SIK3: variants seen among roughly 807,000 people sequenced by gnomAD.
SIK3 encodes SIK family kinase 3, also known as serine/threonine-protein kinase SIK3.
Under a neutral mutation model 144.2 loss-of-function variants are expected in SIK3, and 28 were observed. The observed-to-expected ratio is 0.19, with a 90% CI of 0.14 to 0.27. The LOEUF (loss-of-function observed/expected upper bound fraction) is 0.27. SIK3 is among the 10% of genes least tolerant of loss of function. SIK3 has a pLI of 1.00. For synonymous variants in SIK3, 686 were observed against 676.3 expected (o/e 1.01, Z -0.22); for missense variants, 1,319 against 1,776.0 (o/e 0.74, Z 4.62).
chr11:116,927,851 T>C lies in SIK3; in HGVS notation c.455-471A>G, dbSNP rs115838569. 7.6e-3 allele frequency among the ~76,000 whole-genome samples: 1,153 copies of C among 151,880 alleles called. 13 individuals are homozygous for C. Among genetic ancestry groups the C allele is most frequent in the African/African-American group, 0.027 (1,109 of 41,554 alleles). ...TTCGTCACTGCTAGGGGGAGAAAAC[T>C]CCTCGACAGAGCACTCTGTTTAGGT... On this transcript the variant is annotated intron_variant, in intron 3 of 24. Coordinates refer to ENST00000445177, the MANE Select transcript of SIK3 (RefSeq NM_001366686.3).
At chr11:117,035,768 T>C in intron 1 of SIK3, 2 of 1,326,406 alleles carry the variant, frequency 1.5e-6, no homozygotes, top group Non-Finnish European at 2.1e-6. Context: ...ATTGAGATGG[T>C]TTCCCACTCA....
intron 6 of SIK3, among the ~76,000 whole-genome samples, chr11:116,879,972 G>A (rs1263845510): frequency 6.6e-6 from 1 of 152,212 alleles, no homozygotes; most frequent in African/African-American, 2.4e-5. Context: ...AGACTCCTGT[G>A]TAGGGAGAAG....
At chr11:116,911,858 T>A (rs553415662) in intron 4 of SIK3, among the ~76,000 whole-genome samples, 918 of 152,284 alleles carry the variant, frequency 6.0e-3, no homozygotes, top group Non-Finnish European at 9.5e-3. Context: ...TACTGCTTAT[T>A]TACTGGCAAT....
At chr11:116,927,717 G>T (rs551744376) in intron 3 of SIK3, among the ~76,000 whole-genome samples, 20 of 152,276 alleles carry the variant, frequency 1.3e-4, no homozygotes, top group African/African-American at 4.8e-4. Flanking sequence ...GCACAGACAT[G>T]AGCAAACACA....
intron 6 of SIK3, among the ~76,000 whole-genome samples, chr11:116,883,217 T>TA (rs1944636571): frequency 6.6e-6 from 1 of 152,188 alleles, no homozygotes. Context: ...GTTCTGGATT[T>TA]AAAAAATGTT....
chr11:116,901,103 G>C (rs1945714527), intron 4 of SIK3, among the ~76,000 whole-genome samples: 1 of 152,174 alleles, frequency 6.6e-6, no homozygotes, highest in Non-Finnish European at 1.5e-5. Context: ...GACATCAGGT[G>C]ATCAGCCCAC....
intron 14 of SIK3, chr11:116,870,028 G>A: frequency 3.6e-6 from 4 of 1,116,430 alleles, no homozygotes; most frequent in Non-Finnish European, 3.6e-6. Flanking sequence ...TTTGTGCCTT[G>A]TGAATACTAT....
chr11:117,086,994 CAAA>C (rs907856897), intron 1 of SIK3, among the ~76,000 whole-genome samples: 2 of 66,738 alleles, frequency 3.0e-5, no homozygotes, highest in Admixed American at 1.8e-4. Context: ...GACTCCATCT[CAAA>C]AAAAAAAAAA....
intron 4 of SIK3, among the ~76,000 whole-genome samples, chr11:116,907,987 T>TA (rs34564120): frequency 0.081 from 11,287 of 138,536 alleles, 527 homozygotes; most frequent in African/African-American, 0.13. Context: ...CGTTTTTATT[T>TA]AAAAAAAAAA....
intron 3 of SIK3, among the ~76,000 whole-genome samples, chr11:116,948,109 A>AT (rs577775429): frequency 6.6e-4 from 96 of 144,748 alleles, no homozygotes; most frequent in South Asian, 8.7e-4. Flanking sequence ...TAATTTTTCT[A>AT]TTTTTTTTTG....
chr11:117,076,033 G>T (rs522817), intron 1 of SIK3, among the ~76,000 whole-genome samples: 1 of 151,682 alleles, frequency 6.6e-6, no homozygotes, highest in African/African-American at 2.4e-5. Flanking sequence ...ATATTTAGTA[G>T]AGACGGGGTT....
intron 1 of SIK3, among the ~76,000 whole-genome samples, chr11:117,052,919 G>C (rs1953326717): frequency 6.6e-6 from 1 of 152,124 alleles, no homozygotes; most frequent in Non-Finnish European, 1.5e-5. Flanking sequence ...ACTTTATTCT[G>C]GGCTACACAA....
chr11:116,870,157 G>C, intron 14 of SIK3, 174 bp downstream of exon 14: 1 of 1,534,246 alleles, frequency 6.5e-7, no homozygotes, highest in South Asian at 1.2e-5. Context: ...GACATTTTCT[G>C]GGTAGTCTTC....
At chr11:116,974,355 C>T (rs1259239355) in intron 1 of SIK3, among the ~76,000 whole-genome samples, 3 of 152,202 alleles carry the variant, frequency 2.0e-5, no homozygotes, top group Non-Finnish European at 4.4e-5. Flanking sequence ...ACTAGACTCA[C>T]TAGACCTATA....
At chr11:116,908,736 G>C (rs1263469054) in intron 4 of SIK3, among the ~76,000 whole-genome samples, 1 of 152,130 alleles carries the variant, frequency 6.6e-6, no homozygotes, top group African/African-American at 2.4e-5. Context: ...TTACACAGTT[G>C]CCAGATGGGC....
chr11:116,861,243 T>A (rs549233121), intron 19 of SIK3, 31 bp downstream of exon 19: 7 of 1,471,168 alleles, frequency 4.8e-6, no homozygotes, highest in Non-Finnish European at 5.6e-6. Flanking sequence ...TGGCATAAAA[T>A]GAACTGTTTG....
chr11:116,971,875 T>G (rs958530379), intron 1 of SIK3, among the ~76,000 whole-genome samples: 23 of 151,630 alleles, frequency 1.5e-4, no homozygotes, highest in African/African-American at 4.8e-4. Flanking sequence ...GATCACGAGG[T>G]CAGGAGTTCA....
At chr11:117,031,471 T>C (rs1440143387) in intron 1 of SIK3, among the ~76,000 whole-genome samples, 2 of 150,946 alleles carry the variant, frequency 1.3e-5, no homozygotes, top group Admixed American at 6.6e-5. Flanking sequence ...CAAAAATCAG[T>C]TGGGCAATGG....
intron 1 of SIK3, among the ~76,000 whole-genome samples, chr11:116,979,077 G>A (rs915457171): frequency 1.3e-5 from 2 of 152,150 alleles, no homozygotes; most frequent in Admixed American, 6.6e-5. Context: ...GCATCACTAG[G>A]TAAAGCCAAA....
Sources: gnomAD v4.1 joint callset for allele counts (sites outside exome capture counted in the v4.1 genomes callset) on GRCh38, gnomAD v4.1.1 for gene constraint, MANE v1.5 for transcripts, NCBI Gene and HGNC (gene_info 2026-07-23, HGNC 2026-07-21) for gene names.